PCDH15: variants seen among roughly 807,000 people sequenced by gnomAD.
PCDH15 encodes the protein protocadherin-15.
In PCDH15, 129 loss-of-function variants were observed where a neutral mutation model predicts 178.5. That is an observed-to-expected ratio of 0.72 (90% CI 0.63 to 0.84). The LOEUF is 0.84. Among genes scored for constraint, PCDH15 ranks in the 40% least tolerant of loss-of-function variants. The pLI is 0.00. For missense variants in PCDH15, 2,230 were observed against 2,099.9 expected (o/e 1.06, Z -1.21); for synonymous variants, 800 against 732.0 (o/e 1.09, Z -1.50).
intron 8 of PCDH15, among the ~76,000 whole-genome samples, chr10:54,307,228 T>G (rs866056886): frequency 4.9e-5 from 7 of 143,728 alleles, no homozygotes; most frequent in Non-Finnish European, 1.1e-4. Flanking sequence ...GACTGGGCTT[T>G]GAGGATTGAG....
intron 9 of PCDH15, among the ~76,000 whole-genome samples, chr10:54,230,567 C>T (rs1207288135): frequency 1.3e-5 from 2 of 152,054 alleles, no homozygotes; most frequent in Non-Finnish European, 2.9e-5. Flanking sequence ...TTTTTCTCTT[C>T]ACATTTCCAA....
In PCDH15 at chr10:54,421,912, CTATAT is replaced by C. The variant is rs1565232218; in HGVS notation, c.158-42975_158-42971del. On this transcript the variant is annotated intron_variant, in intron 3 of 37. Transcript: ENST00000644397. Reference sequence around the variant, plus strand: ...CACACACACTATATATATATATACACTATATATATATATACACTATATATATATAT... The same window carrying C: ...CACACACACTATATATATATATACACATATATATACACTATATATATATAT... Among the ~76,000 whole-genome samples the C allele has an allele frequency of 2.1e-4, 21 of 98,998 alleles. 1 individual carries two copies. Among genetic ancestry groups the C allele is most frequent in the African/African-American group, 9.6e-4 (21 of 21,854 alleles). 64.9% of individuals were successfully genotyped at this position (98,998 alleles called of 152,430 possible).
At chr10:54,233,674 T>C (rs2054310230) in intron 9 of PCDH15, among the ~76,000 whole-genome samples, 1 of 152,232 alleles carries the variant, frequency 6.6e-6, no homozygotes, top group Admixed American at 6.5e-5. Flanking sequence ...CATCTTGACC[T>C]TAAGTTACTG....
intron 19 of PCDH15, among the ~76,000 whole-genome samples, chr10:54,021,007 C>T (rs114359063): frequency 1.4e-3 from 216 of 152,086 alleles, no homozygotes; most frequent in African/African-American, 4.8e-3. Flanking sequence ...GTAGTAGTTA[C>T]GCACAAGGTG....
At chr10:55,209,729 A>G (rs1422248546) in intron 1 of PCDH15, among the ~76,000 whole-genome samples, 1 of 152,038 alleles carries the variant, frequency 6.6e-6, no homozygotes, top group African/African-American at 2.4e-5. Flanking sequence ...GGCATGGGAG[A>G]GATTATAAAT....
intron 3 of PCDH15, among the ~76,000 whole-genome samples, chr10:54,885,416 T>C (rs1284563722): frequency 6.6e-6 from 1 of 151,996 alleles, no homozygotes; most frequent in Admixed American, 6.6e-5. Flanking sequence ...TAAAAGACTA[T>C]AACTACTCCA....
At chr10:54,965,867 T>G (rs910834388) in intron 2 of PCDH15, among the ~76,000 whole-genome samples, 1 of 149,982 alleles carries the variant, frequency 6.7e-6, no homozygotes, top group Admixed American at 6.7e-5. Context: ...TAATATCACA[T>G]AGATACCCAC....
At chr10:54,782,974 G>GA (rs1285980196) in intron 1 of PCDH15, among the ~76,000 whole-genome samples, 2 of 151,680 alleles carry the variant, frequency 1.3e-5, no homozygotes, top group Non-Finnish European at 2.9e-5. Context: ...ACATCTACAG[G>GA]AAAAAAAGTC....
At chr10:54,174,899 T>A (rs1371823214) in intron 13 of PCDH15, among the ~76,000 whole-genome samples, 1 of 151,998 alleles carries the variant, frequency 6.6e-6, no homozygotes, top group Admixed American at 6.6e-5. Flanking sequence ...GGAATTCAAT[T>A]AAAGTCCTAA....
intron 8 of PCDH15, among the ~76,000 whole-genome samples, chr10:54,281,831 T>G (rs1180774005): frequency 6.6e-6 from 1 of 152,046 alleles, no homozygotes; most frequent in African/African-American, 2.4e-5. Context: ...ACATAACTAT[T>G]ATAAAATTGT....
intron 17 of PCDH15, among the ~76,000 whole-genome samples, chr10:54,078,352 C>T (rs2094378615): frequency 6.6e-6 from 1 of 151,704 alleles, no homozygotes; most frequent in South Asian, 2.1e-4. Context: ...ATAATAAAAT[C>T]TCAGAAATCC....
intron 1 of PCDH15, among the ~76,000 whole-genome samples, chr10:55,283,007 T>A (rs904849776): frequency 2.6e-5 from 4 of 152,150 alleles, no homozygotes; most frequent in African/African-American, 9.7e-5. Context: ...ACAAACACTC[T>A]TCCTGCCTGG....
chr10:55,196,817 A>G (rs1243919869), intron 1 of PCDH15, among the ~76,000 whole-genome samples: 3 of 152,002 alleles, frequency 2.0e-5, no homozygotes, highest in Admixed American at 6.5e-5. Flanking sequence ...ACGATGAATT[A>G]TTTAAATTAT....
chr10:54,362,168 A>T (rs1303648184), intron 5 of PCDH15, among the ~76,000 whole-genome samples: 1 of 152,072 alleles, frequency 6.6e-6, no homozygotes, highest in Admixed American at 6.6e-5. Context: ...TTCACTTATT[A>T]TTGTAAAATA....
intron 13 of PCDH15, among the ~76,000 whole-genome samples, chr10:54,153,503 T>C (rs577208363): frequency 4.6e-5 from 7 of 152,288 alleles, no homozygotes; most frequent in African/African-American, 1.7e-4. Context: ...TAAGAGTGAT[T>C]TTGTTTTTTG....
intron 1 of PCDH15, among the ~76,000 whole-genome samples, chr10:55,286,161 A>G (rs191438417): frequency 2.7e-4 from 41 of 152,046 alleles, no homozygotes; most frequent in Admixed American, 1.3e-3. Flanking sequence ...ATAAAGAAAA[A>G]TCGGCCTTTT....
chr10:54,693,840 T>A (rs1246285862), intron 1 of PCDH15, among the ~76,000 whole-genome samples: 1 of 152,138 alleles, frequency 6.6e-6, no homozygotes, highest in Non-Finnish European at 1.5e-5. Context: ...CCAATCAGCC[T>A]GCACTACTTA....
Position 54,722,779 on chromosome 10 carries a change from A to T in PCDH15, c.-28-58489T>A, listed in dbSNP as rs891775885. On this transcript the variant is annotated intron_variant, in intron 1 of 37. Coordinates refer to ENST00000644397, the MANE Select transcript of PCDH15 (RefSeq NM_001384140.1). Reference sequence around the variant, plus strand: ...CAAGCTGAGAACCAAATCAAGAATCAATCTCATTTAAAATAGCTGCAAAAA... The same window carrying T: ...CAAGCTGAGAACCAAATCAAGAATCTATCTCATTTAAAATAGCTGCAAAAA... Among the ~76,000 whole-genome samples the T allele has an allele frequency of 2.0e-5, 3 of 151,662 alleles. No individual in the cohort carries two copies. In the East Asian group the frequency reaches 5.8e-4, roughly 29 times the overall value.
intron 1 of PCDH15, among the ~76,000 whole-genome samples, chr10:54,704,509 T>A (rs577233726): frequency 3.3e-5 from 5 of 152,178 alleles, no homozygotes; most frequent in Admixed American, 2.6e-4. Context: ...CATTAAAAAC[T>A]GGGCAAAAGA....
Sources: gnomAD v4.1 joint callset for allele counts (sites outside exome capture counted in the v4.1 genomes callset) on GRCh38, gnomAD v4.1.1 for gene constraint, MANE v1.5 for transcripts, NCBI Gene and HGNC (gene_info 2026-07-23, HGNC 2026-07-21) for gene names.